NBPF12: variants seen among roughly 807,000 people sequenced by gnomAD.
NBPF12 encodes NBPF family member NBPF12.
NBPF12 carries 115 observed loss-of-function variants against 146.4 expected under a neutral mutation model. The ratio of observed to expected loss-of-function variants is 0.79; its 90% CI spans 0.68 to 0.92. The LOEUF (loss-of-function observed/expected upper bound fraction) is 0.92, where lower values mean the gene tolerates loss of function less well. Among genes scored for constraint, NBPF12 ranks in the 40% least tolerant of loss-of-function variants. NBPF12 has a pLI of 0.00. For missense variants in NBPF12, 1,205 were observed against 1,326.8 expected (o/e 0.91, Z 1.43); for synonymous variants, 385 against 508.9 (o/e 0.76, Z 3.28).
At chr1:146,954,208 A>T (rs1417014313) in intron 2 of NBPF12, among the ~76,000 whole-genome samples, 9 of 150,226 alleles carry the variant, frequency 6.0e-5, no homozygotes, top group African/African-American at 1.7e-4. Context: ...CGCCTAACAC[A>T]GTGAAACCCC....
chr1:146,994,542 G>A (rs1280940680), exon 34 of NBPF12: 1 of 1,609,522 alleles, frequency 6.2e-7, no homozygotes, highest in Non-Finnish European at 8.5e-7. Flanking sequence ...GTCTCCACCT[G>A]GTCTTCCAGA....
At chr1:146,965,182 A>C in intron 8 of NBPF12, 78 bp downstream of exon 11, 1 of 851,276 alleles carries the variant, frequency 1.2e-6, no homozygotes, top group Non-Finnish European at 2.0e-6. Context: ...CTGTATATAC[A>C]CATATTGTTA....
chr1:146,962,232 G>C, exon 5 of NBPF12: 3 of 1,607,226 alleles, frequency 1.9e-6, no homozygotes, highest in Non-Finnish European at 1.7e-6. Context: ...GGAGAAGCTT[G>C]CAGAGCAGCT....
chr1:146,972,779 C>A lies in NBPF12; in HGVS notation c.1620C>A (p.Asn540Lys), dbSNP rs1222718780. 12 of 1,235,216 alleles carry A rather than the reference C, an allele frequency of 9.7e-6. No homozygotes were observed. The Admixed American group carries it at 1.8e-4, about 19-fold the overall frequency. 76.5% of individuals were successfully genotyped at this position (1,235,216 alleles called of 1,614,324 possible). Residue 540 changes from asparagine (N) to lysine (K), a missense_variant, in exon 14 of 34, where the codon AAC (asparagine) becomes AAA (lysine). Asn to Lys is a moderately conservative substitution (Grantham distance 94). Transcript: ENST00000617844. ...CTGGCCCCACCTCTTCTGCCACAAA[C>A]GTCAGCATGGTGGTATCAGCCGGCC... is the stretch of plus-strand genomic sequence containing the variant.
At chr1:146,969,258 A>C in intron 10 of NBPF12, 124 bp from the exon 14 acceptor site, 4 of 977,282 alleles carry the variant, frequency 4.1e-6, no homozygotes, top group Non-Finnish European at 6.5e-6. Context: ...ATTCCTTTCA[A>C]CATGTGCTGA....
chr1:146,966,806 T>TA (rs1400013322), intron 9 of NBPF12, 133 bp downstream of exon 12: 1 of 692,542 alleles, frequency 1.4e-6, no homozygotes, highest in African/African-American at 1.8e-5. Flanking sequence ...ATGGGTATTT[T>TA]AACATTTTGT....
chr1:146,964,340 A>G lies in NBPF12; in HGVS notation c.494-17A>G. ...TGTGAAGTGGGACATATCTGAATGA[A>G]CATTTTGTATTTATAGAAAATGATG... On this transcript the variant is annotated splice_polypyrimidine_tract_variant and intron_variant, in intron 6 of 33. Transcript: ENST00000617844. 6.2e-7 allele frequency: 1 copy of G among 1,602,438 alleles called. No homozygotes were observed. Among genetic ancestry groups the G allele is most frequent in the African/African-American group, 1.3e-5 (1 of 74,422 alleles).
chr1:146,969,443 C>T lies in NBPF12; in HGVS notation c.1153C>T (p.Arg385Trp), dbSNP rs1417449021. ...GCTGACCCAGTTAAGGGAGAAGTTACGGGAAGGGAGAGATGCCTCCCGCTC... is the reference window on the plus strand; with the variant it reads ...GCTGACCCAGTTAAGGGAGAAGTTATGGGAAGGGAGAGATGCCTCCCGCTC... Residue 385 changes from arginine to tryptophan, a missense_variant, in exon 11 of 34, where the codon CGG becomes TGG. Arg to Trp is a moderately radical substitution (Grantham distance 101). Transcript: ENST00000617844. 2.2e-4 allele frequency: 318 copies of T among 1,443,212 alleles called. 5 individuals are homozygous for T. Among genetic ancestry groups the T allele is most frequent in the African/African-American group, 1.9e-3 (128 of 69,120 alleles). The allele number at this position is 1,443,212 out of a possible 1,614,324, so 89.4% of individuals were successfully genotyped here.
Position 146,974,900 on chromosome 1 carries a change from T to A in NBPF12, c.1904+59T>A. ...AGGTGTGTAAATCTCTGAAGTACAGTAGCTCAGTGGGGAGACGTAAGAGCT... is the reference window on the plus strand; with the variant it reads ...AGGTGTGTAAATCTCTGAAGTACAGAAGCTCAGTGGGGAGACGTAAGAGCT... On this transcript the variant is annotated intron_variant, in intron 15 of 33. Coordinates refer to ENST00000617844, the Ensembl canonical transcript of NBPF12. 3 of 1,026,790 alleles carry A rather than the reference T, an allele frequency of 2.9e-6. 1 individual carries two copies. Among genetic ancestry groups the A allele is most frequent in the Non-Finnish European group, 4.2e-6 (3 of 709,776 alleles). 63.6% of individuals were successfully genotyped at this position (1,026,790 alleles called of 1,614,324 possible).
At chr1:146,980,184 C>A (rs1657280694) in intron 19 of NBPF12, among the ~76,000 whole-genome samples, 1 of 151,988 alleles carries the variant, frequency 6.6e-6, no homozygotes, top group Non-Finnish European at 1.5e-5. Context: ...TTCCTCCATC[C>A]CTTTATTTTG....
intron 2 of NBPF12, among the ~76,000 whole-genome samples, chr1:146,953,030 G>A (rs878954532): frequency 1.4e-4 from 21 of 151,212 alleles, no homozygotes; most frequent in East Asian, 1.4e-3. Context: ...GAACAGCGGC[G>A]TGCCTGTAAA....
At chr1:146,940,035 G>A (rs1352570431) in intron 1 of NBPF12, among the ~76,000 whole-genome samples, 2 of 151,862 alleles carry the variant, frequency 1.3e-5, no homozygotes, top group South Asian at 2.1e-4. Flanking sequence ...TTGAGTTACA[G>A]TGTTGTTCAT....
upstream of NBPF12, among the ~76,000 whole-genome samples, chr1:146,944,524 C>T (rs1654934989): frequency 6.7e-6 from 1 of 149,278 alleles, no homozygotes; most frequent in Non-Finnish European, 1.5e-5. Context: ...AAGGTTGCGG[C>T]CTGGTGTTCT....
chr1:146,967,035 G>C (rs1656255987), intron 9 of NBPF12, among the ~76,000 whole-genome samples: 1 of 151,242 alleles, frequency 6.6e-6, no homozygotes, highest in African/African-American at 2.5e-5. Flanking sequence ...CTAAATATCT[G>C]AGACTAGTGA....
chr1:146,961,077 C>G lies in NBPF12; in HGVS notation c.175+759C>G, dbSNP rs1406740264. 2.2e-3 allele frequency among the ~76,000 whole-genome samples: 332 copies of G among 152,174 alleles called. 1 individual carries two copies. Among genetic ancestry groups the G allele is most frequent in the Non-Finnish European group, 3.8e-3 (256 of 68,032 alleles). ...AGAAGAAGCCTTTGAACCCAGCAGGCAGGTGTTGCAGTGAGCCAAGATTGC... is the reference window on the plus strand; with the variant it reads ...AGAAGAAGCCTTTGAACCCAGCAGGGAGGTGTTGCAGTGAGCCAAGATTGC... On this transcript the variant is annotated intron_variant, in intron 4 of 33. Coordinates refer to ENST00000617844, the Ensembl canonical transcript of NBPF12.
chr1:146,947,473 C>G, upstream of NBPF12, among the ~76,000 whole-genome samples: 1 of 145,180 alleles, frequency 6.9e-6, no homozygotes, highest in East Asian at 2.0e-4. Flanking sequence ...CTGCCTAGCT[C>G]TTTCCATGTT....
intron 25 of NBPF12, among the ~76,000 whole-genome samples, 188 bp from the exon 29 acceptor site, chr1:146,987,766 T>TGTGTGTGTGTGTG (rs1657884842): frequency 2.6e-5 from 4 of 152,232 alleles, no homozygotes; most frequent in African/African-American, 9.6e-5. Context: ...TGTGTCTGTC[T>TGTGTGTGTGTGTG]TTCTCTTTCA....
chr1:146,968,153 AATTCAG>A (rs1656326960), intron 9 of NBPF12, among the ~76,000 whole-genome samples: 1 of 143,846 alleles, frequency 7.0e-6, no homozygotes, highest in Non-Finnish European at 1.5e-5. Flanking sequence ...AGTGGCCCCG[AATTCAG>A]AGTCAGACCT....
chr1:146,982,599 C>T (rs1657463819), intron 19 of NBPF12, among the ~76,000 whole-genome samples: 1 of 151,854 alleles, frequency 6.6e-6, no homozygotes, highest in Admixed American at 6.6e-5. Flanking sequence ...GTGTAAAATT[C>T]AACCCAATTT....
Sources: gnomAD v4.1 joint callset for allele counts (sites outside exome capture counted in the v4.1 genomes callset) on GRCh38, gnomAD v4.1.1 for gene constraint, MANE v1.5 for transcripts, NCBI Gene and HGNC (gene_info 2026-07-23, HGNC 2026-07-21) for gene names.